The following FTO variants were observed in gnomAD, a reference collection of about 807,000 sequenced individuals.
The protein encoded by FTO is alpha-ketoglutarate-dependent dioxygenase FTO.
A neutral mutation model predicts 63.9 loss-of-function variants in FTO; 47 were observed. That is an observed-to-expected ratio of 0.74 (90% CI 0.58 to 0.94). FTO has a LOEUF of 0.94. FTO is among the 40% of genes least tolerant of loss of function. The probability of loss-of-function intolerance (pLI) is 0.00; values close to 1 mark genes in which losing one functional copy is unlikely to be tolerated. For missense variants in FTO, 562 were observed against 618.1 expected, an observed-to-expected ratio of 0.91 and a Z score of 0.96; for synonymous variants, 207 against 224.4, an observed-to-expected ratio of 0.92 and a Z score of 0.69.
intron 1 of FTO, among the ~76,000 whole-genome samples, chr16:53,707,478 G>A (rs923997441): frequency 6.6e-6 from 1 of 152,164 alleles, no homozygotes; most frequent in African/African-American, 2.4e-5. Context: ...CACACGTGCC[G>A]GGTTTTTGGA....
At chr16:53,719,537 A>G (rs2075986049) in intron 1 of FTO, among the ~76,000 whole-genome samples, 1 of 151,852 alleles carries the variant, frequency 6.6e-6, no homozygotes, top group East Asian at 1.9e-4. Flanking sequence ...TATAATTTAA[A>G]AAATTCCATA....
intron 1 of FTO, among the ~76,000 whole-genome samples, chr16:53,737,353 G>A (rs75019281): frequency 0.067 from 10,132 of 152,040 alleles, 1,093 homozygotes; most frequent in African/African-American, 0.23. Context: ...TCATGTGAAC[G>A]TCATAGAGTG....
intron 8 of FTO, among the ~76,000 whole-genome samples, chr16:53,968,796 G>C (rs1031701663): frequency 3.3e-5 from 5 of 152,220 alleles, no homozygotes; most frequent in African/African-American, 1.2e-4. Flanking sequence ...CTGGGTGGCA[G>C]TGTCCTGGTG....
chr16:53,990,036 T>C (rs9926377), intron 8 of FTO, among the ~76,000 whole-genome samples: 3,567 of 135,698 alleles, frequency 0.026, 137 homozygotes, highest in African/African-American at 0.094. Flanking sequence ...AAATATATGC[T>C]AATTGACTGT....
intron 1 of FTO, among the ~76,000 whole-genome samples, chr16:53,780,629 C>T (rs563579996): frequency 1.3e-5 from 2 of 152,176 alleles, no homozygotes; most frequent in South Asian, 4.2e-4. Flanking sequence ...CTCGGCCTCC[C>T]AAAGTGCTAG....
intron 7 of FTO, among the ~76,000 whole-genome samples, chr16:53,893,635 A>C (rs1447335741): frequency 6.6e-6 from 1 of 151,956 alleles, no homozygotes; most frequent in South Asian, 2.1e-4. Context: ...CTCTAAATTG[A>C]TGACATTTAT....
rs549010196 is a variant in FTO, at chr16:54,115,423, C to T, written c.*3508C>T. On this transcript the variant is annotated 3_prime_UTR_variant, in exon 9 of 9. Coordinates refer to ENST00000471389, the MANE Select transcript of FTO (RefSeq NM_001080432.3). ...ACTTACCCCATAGTGGGGAAATAGA[C>T]AGTAAGCAGCAAATCAATAACAAGA... 6 of 152,216 alleles carry T rather than the reference C, an allele frequency of 3.9e-5. No homozygotes were observed. The highest frequency in any genetic ancestry group is 1.4e-4 in the African/African-American group (6 of 41,420). The allele number at this position is 152,216 out of a possible 1,614,324, so 9.4% of individuals were successfully genotyped here. A position where few individuals can be genotyped will look rare whatever the true frequency, so the allele number is the denominator to read the frequency against.
At chr16:53,893,202 G>A (rs1356135087) in intron 7 of FTO, among the ~76,000 whole-genome samples, 2 of 152,096 alleles carry the variant, frequency 1.3e-5, no homozygotes, top group Non-Finnish European at 2.9e-5. Context: ...TATAACCCAG[G>A]AATTTAGTCT....
At chr16:54,097,700 C>T (rs1013492559) in intron 8 of FTO, among the ~76,000 whole-genome samples, 21 of 152,190 alleles carry the variant, frequency 1.4e-4, no homozygotes, top group African/African-American at 4.8e-4. Flanking sequence ...AGACAGAAAT[C>T]CCTGCCTTCA....
At chr16:53,953,410 T>C (rs1359317122) in intron 8 of FTO, among the ~76,000 whole-genome samples, 2 of 152,246 alleles carry the variant, frequency 1.3e-5, no homozygotes, top group Non-Finnish European at 2.9e-5. Context: ...CCTTGTAATT[T>C]AGAAATATCC....
intron 7 of FTO, among the ~76,000 whole-genome samples, chr16:53,928,975 C>T (rs2082216664): frequency 6.6e-6 from 1 of 152,064 alleles, no homozygotes; most frequent in Admixed American, 6.5e-5. Flanking sequence ...TCCCGAGTAG[C>T]TGGGATTACA....
chr16:53,853,694 A>G (rs2079885383), intron 4 of FTO, among the ~76,000 whole-genome samples: 1 of 152,184 alleles, frequency 6.6e-6, no homozygotes, highest in Admixed American at 6.5e-5. Context: ...TGGTATATAT[A>G]CATGCCACAT....
At chr16:53,932,038 T>C (rs999515686) in intron 7 of FTO, among the ~76,000 whole-genome samples, 2 of 152,196 alleles carry the variant, frequency 1.3e-5, no homozygotes, top group African/African-American at 2.4e-5. Flanking sequence ...GTGCTGTCTT[T>C]CAGTAACCTC....
intron 1 of FTO, among the ~76,000 whole-genome samples, chr16:53,732,701 A>G (rs973519409): frequency 2.0e-5 from 3 of 152,176 alleles, no homozygotes; most frequent in Non-Finnish European, 4.4e-5. Flanking sequence ...GAGGCAGATT[A>G]CATTGTTACC....
chr16:54,117,171 C>A lies in FTO; in HGVS notation c.*5256C>A, dbSNP rs1473238947. On this transcript the variant is annotated 3_prime_UTR_variant, in exon 9 of 9. Coordinates refer to ENST00000471389, the MANE Select transcript of FTO (RefSeq NM_001080432.3). ...TTCTCACTCTACCACCTCTTCAAAC[C>A]TTTGTTGTCTTATCTACAAAATAGA... The A allele has an allele frequency of 6.6e-6, 1 of 152,206 alleles. No homozygotes were observed. Among genetic ancestry groups the A allele is most frequent in the Non-Finnish European group, 1.5e-5 (1 of 68,032 alleles). 9.4% of individuals were successfully genotyped at this position (152,206 alleles called of 1,614,324 possible). A position where few individuals can be genotyped will look rare whatever the true frequency, so the allele number is the denominator to read the frequency against.
At chr16:53,968,699 C>A (rs1285647686) in intron 8 of FTO, among the ~76,000 whole-genome samples, 1 of 152,212 alleles carries the variant, frequency 6.6e-6, no homozygotes, top group Non-Finnish European at 1.5e-5. Flanking sequence ...TGTGTTGAGT[C>A]AGATTAATGA....
intron 1 of FTO, among the ~76,000 whole-genome samples, chr16:53,764,815 G>A (rs1202290980): frequency 1.3e-5 from 2 of 152,052 alleles, no homozygotes; most frequent in Non-Finnish European, 2.9e-5. Context: ...TGCCTCCAGG[G>A]TTCAAGCAAT....
intron 8 of FTO, among the ~76,000 whole-genome samples, chr16:54,073,860 A>G (rs544677488): frequency 9.9e-5 from 15 of 152,174 alleles, no homozygotes; most frequent in Admixed American, 3.3e-4. Flanking sequence ...ACTCCCATCT[A>G]TAGAATATTA....
chr16:53,719,905 T>C (rs2075996952), intron 1 of FTO, among the ~76,000 whole-genome samples: 1 of 152,294 alleles, frequency 6.6e-6, no homozygotes, highest in African/African-American at 2.4e-5. Context: ...TTTTTTTCAT[T>C]TTCTTTCTCA....
Sources: allele counts gnomAD v4.1 joint callset (sites outside exome capture counted in the v4.1 genomes callset), GRCh38; gene constraint gnomAD v4.1.1; transcripts MANE v1.5; gene names NCBI Gene and HGNC (gene_info 2026-07-23, HGNC 2026-07-21).